Variants in PLXNA4 observed in about 807,000 individuals in gnomAD.
PLXNA4 encodes the protein plexin A4.
In PLXNA4, 44 loss-of-function variants were observed where a neutral mutation model predicts 191.8. The ratio of observed to expected loss-of-function variants is 0.23; its 90% CI spans 0.18 to 0.29. The LOEUF is 0.29. Among genes scored for constraint, PLXNA4 ranks in the 10% least tolerant of loss-of-function variants. The pLI is 1.00. For synonymous variants in PLXNA4, 1,082 were observed against 1,009.5 expected (o/e 1.07, Z -1.36); for missense variants, 1,800 against 2,488.8 (o/e 0.72, Z 5.89).
chr7:132,436,845 G>A (rs1585132940), intron 3 of PLXNA4, among the ~76,000 whole-genome samples: 1 of 126,588 alleles, frequency 7.9e-6, no homozygotes, highest in African/African-American at 4.7e-5. Flanking sequence ...TGCGGTCCCT[G>A]TTGGTGGCTT....
intron 1 of PLXNA4, among the ~76,000 whole-genome samples, chr7:132,563,822 T>G (rs1176111714): frequency 2.8e-5 from 2 of 72,444 alleles, no homozygotes; most frequent in Non-Finnish European, 3.0e-5. Flanking sequence ...CTCCTTCTCC[T>G]CCTCCTTCTC....
At chr7:132,639,813 G>A (rs1259031304) in intron 2 of PLXNA4, among the ~76,000 whole-genome samples, 1 of 152,178 alleles carries the variant, frequency 6.6e-6, no homozygotes, top group Non-Finnish European at 1.5e-5. Context: ...TAAAGCCATG[G>A]CACCCACTTC....
intron 16 of PLXNA4, among the ~76,000 whole-genome samples, chr7:132,184,119 C>G (rs1023501998): frequency 8.5e-5 from 13 of 152,216 alleles, no homozygotes; most frequent in African/African-American, 3.1e-4. Flanking sequence ...TCTGCCTCAG[C>G]CCGGGGAGAC....
At chr7:132,281,218 G>T in intron 4 of PLXNA4, among the ~76,000 whole-genome samples, 1 of 152,110 alleles carries the variant, frequency 6.6e-6, no homozygotes, top group East Asian at 1.9e-4. Context: ...TTGTTTTAAT[G>T]GCTGTCATAA....
intron 29 of PLXNA4, among the ~76,000 whole-genome samples, chr7:132,141,586 G>A (rs1467523530): frequency 6.6e-6 from 1 of 152,140 alleles, no homozygotes; most frequent in Non-Finnish European, 1.5e-5. Context: ...AGGACTGTTG[G>A]TGCTAGGACC....
At chr7:132,568,334 G>T (rs1563180039) in intron 1 of PLXNA4, among the ~76,000 whole-genome samples, 1 of 152,160 alleles carries the variant, frequency 6.6e-6, no homozygotes, top group Non-Finnish European at 1.5e-5. Context: ...AAAGTCTTCA[G>T]AAATCGGATT....
intron 4 of PLXNA4, among the ~76,000 whole-genome samples, chr7:132,260,411 G>A (rs900708629): frequency 3.9e-5 from 6 of 152,150 alleles, no homozygotes; most frequent in South Asian, 4.1e-4. Context: ...CAGGAACAGA[G>A]AATGAAATAC....
intron 3 of PLXNA4, among the ~76,000 whole-genome samples, chr7:132,468,321 T>C (rs1409341558): frequency 6.6e-6 from 1 of 152,128 alleles, no homozygotes; most frequent in Admixed American, 6.5e-5. Context: ...GGACATGATT[T>C]AGAAATTGTC....
At chr7:132,464,369 C>T (rs1057503011) in intron 3 of PLXNA4, among the ~76,000 whole-genome samples, 1 of 152,134 alleles carries the variant, frequency 6.6e-6, no homozygotes, top group African/African-American at 2.4e-5. Context: ...GCCCCTGTGG[C>T]ATGGCGAGAT....
chr7:132,481,747 C>T (rs1329129438), intron 3 of PLXNA4, among the ~76,000 whole-genome samples: 3 of 152,198 alleles, frequency 2.0e-5, no homozygotes, highest in Non-Finnish European at 4.4e-5. Flanking sequence ...ACAGAGTTCT[C>T]GGCAGCTACT....
intron 4 of PLXNA4, chr7:132,264,034 C>G (rs1161045904): frequency 1.3e-5 from 2 of 152,166 alleles, no homozygotes; most frequent in Non-Finnish European, 2.9e-5. Flanking sequence ...GAAGAGAAAT[C>G]ATTTTTCCTT....
intron 4 of PLXNA4, among the ~76,000 whole-genome samples, chr7:132,255,959 T>C (rs1799417652): frequency 6.6e-6 from 1 of 152,264 alleles, no homozygotes; most frequent in Admixed American, 6.5e-5. Flanking sequence ...ATCTGTGTTC[T>C]TTATTTAATC....
chr7:132,459,668 G>T (rs1482999452), intron 3 of PLXNA4, among the ~76,000 whole-genome samples: 1 of 152,156 alleles, frequency 6.6e-6, no homozygotes, highest in East Asian at 1.9e-4. Context: ...TTCAACACCA[G>T]CCCAAGCAGG....
At chr7:132,450,624 T>TA (rs1796084162) in intron 3 of PLXNA4, among the ~76,000 whole-genome samples, 1 of 152,222 alleles carries the variant, frequency 6.6e-6, no homozygotes, top group African/African-American at 2.4e-5. Flanking sequence ...GCCAGGACCC[T>TA]GCCCTCAACT....
intron 4 of PLXNA4, chr7:132,271,223 T>C (rs140997016): frequency 6.3e-4 from 96 of 152,314 alleles, no homozygotes; most frequent in Middle Eastern, 6.8e-3. Flanking sequence ...GTCAGATCCA[T>C]AGTAAACTTT....
intron 1 of PLXNA4, among the ~76,000 whole-genome samples, chr7:132,519,572 G>C (rs1490980467): frequency 6.6e-6 from 1 of 152,178 alleles, no homozygotes; most frequent in Admixed American, 6.5e-5. Context: ...CAGGAGAGGA[G>C]GCTCACTGCA....
chr7:132,511,450 C>G (rs916419252), intron 1 of PLXNA4, among the ~76,000 whole-genome samples: 1 of 152,166 alleles, frequency 6.6e-6, no homozygotes, highest in African/African-American at 2.4e-5. Flanking sequence ...CCCTTGTTAA[C>G]TCATGTAAGC....
intron 16 of PLXNA4, among the ~76,000 whole-genome samples, chr7:132,183,217 C>T (rs916196104): frequency 2.6e-5 from 4 of 152,160 alleles, no homozygotes; most frequent in Admixed American, 2.6e-4. Flanking sequence ...CGCACACACG[C>T]ATGTGCGTGC....
intron 3 of PLXNA4, among the ~76,000 whole-genome samples, chr7:132,301,329 C>G (rs116433275): frequency 1.3e-5 from 2 of 152,076 alleles, no homozygotes; most frequent in African/African-American, 2.4e-5. Context: ...GCTCTTGGAC[C>G]CTTAACATAG....
Sources: gnomAD v4.1 joint callset for allele counts (sites outside exome capture counted in the v4.1 genomes callset) on GRCh38, gnomAD v4.1.1 for gene constraint, MANE v1.5 for transcripts, NCBI Gene and HGNC (gene_info 2026-07-23, HGNC 2026-07-21) for gene names.